DOK6: variants seen among roughly 807,000 people sequenced by gnomAD.
DOK6 encodes the protein downstream of tyrosine kinase 6.
Under a neutral mutation model 44.0 loss-of-function variants are expected in DOK6, and 22 were observed. The observed-to-expected ratio is 0.50, with a 90% CI of 0.36 to 0.71. The LOEUF is 0.71. DOK6 is among the 30% of genes least tolerant of loss of function. DOK6 has a pLI of 0.00. For missense variants in DOK6, 340 were observed against 416.4 expected (o/e 0.82, Z 1.60); for synonymous variants, 166 against 145.5 (o/e 1.14, Z -1.01).
intron 7 of DOK6, among the ~76,000 whole-genome samples, chr18:69,804,659 T>C (rs552823817): frequency 9.2e-5 from 14 of 152,180 alleles, no homozygotes; most frequent in Admixed American, 2.0e-4. Context: ...TTTAGGACAA[T>C]GATTTTTGTG....
intron 1 of DOK6, among the ~76,000 whole-genome samples, chr18:69,542,957 G>C (rs1465675810): frequency 6.6e-6 from 1 of 151,406 alleles, no homozygotes; most frequent in East Asian, 1.9e-4. Flanking sequence ...CAGTCGATTT[G>C]TCTTCTTCTA....
chr18:69,455,694 A>T (rs577628517), intron 1 of DOK6, among the ~76,000 whole-genome samples: 1 of 152,328 alleles, frequency 6.6e-6, no homozygotes, highest in South Asian at 2.1e-4. Context: ...CTGATGGCAG[A>T]TGAGAAGAAT....
At chr18:69,702,590 A>G (rs1986546993) in intron 5 of DOK6, among the ~76,000 whole-genome samples, 2 of 152,194 alleles carry the variant, frequency 1.3e-5, no homozygotes, top group Non-Finnish European at 2.9e-5. Flanking sequence ...AATTTCAGAA[A>G]TACTAAAATG....
At chr18:69,834,001 C>T (rs969379544) in intron 7 of DOK6, among the ~76,000 whole-genome samples, 2 of 151,962 alleles carry the variant, frequency 1.3e-5, no homozygotes, top group African/African-American at 4.8e-5. Context: ...GGAGATTTCT[C>T]AAAAAAACTA....
intron 7 of DOK6, among the ~76,000 whole-genome samples, chr18:69,785,273 C>G (rs918132796): frequency 3.3e-5 from 5 of 152,150 alleles, no homozygotes; most frequent in African/African-American, 1.2e-4. Flanking sequence ...TTCATCAAAT[C>G]TAGAATTTAA....
chr18:69,836,677 G>A (rs1982063439), intron 7 of DOK6, among the ~76,000 whole-genome samples: 1 of 152,002 alleles, frequency 6.6e-6, no homozygotes, highest in Non-Finnish European at 1.5e-5. Flanking sequence ...TTACATATTT[G>A]CCTTATTTGT....
chr18:69,460,232 C>T (rs1205926158), intron 1 of DOK6, among the ~76,000 whole-genome samples: 1 of 152,102 alleles, frequency 6.6e-6, no homozygotes, highest in African/African-American at 2.4e-5. Flanking sequence ...TTCACAATTA[C>T]TAAAGCAGTC....
Position 69,787,032 on chromosome 18 carries a change from A to G in DOK6, c.856+29159A>G, listed in dbSNP as rs530410611. On this transcript the variant is annotated intron_variant, in intron 7 of 7. Transcript: ENST00000382713. ...GGAGTTTGAGACCAGCCTGGCCAAC[A>G]TGGTGAAAACCCATCTCTATCAAAA... Among the ~76,000 whole-genome samples, 10 of 152,320 alleles carry G rather than the reference A, an allele frequency of 6.6e-5. No homozygotes were observed. In the South Asian group the frequency reaches 1.4e-3, roughly 22 times the overall value.
At position 69,497,894 on chromosome 18, in the gene DOK6, G is replaced by A. The variant is rs138468622; in HGVS notation, c.67-66593G>A. ...AATCTCACTACGTTGGGAAGGTGAC[G>A]TTGGAGGATCACTTGAAGCTAGGAA... On this transcript the variant is annotated intron_variant, in intron 1 of 7. Transcript: ENST00000382713. Among the ~76,000 whole-genome samples, 389 of 152,208 alleles carry A rather than the reference G, an allele frequency of 2.6e-3. 1 individual carries two copies. Among genetic ancestry groups the A allele is most frequent in the African/African-American group, 8.9e-3 (370 of 41,512 alleles).
intron 7 of DOK6, among the ~76,000 whole-genome samples, chr18:69,786,748 C>G (rs1980441919): frequency 6.6e-6 from 1 of 152,158 alleles, no homozygotes; most frequent in South Asian, 2.1e-4. Flanking sequence ...GAGACATGCA[C>G]AATAATTAAA....
At chr18:69,444,653 T>G (rs965573107) in intron 1 of DOK6, among the ~76,000 whole-genome samples, 1 of 150,916 alleles carries the variant, frequency 6.6e-6, no homozygotes, top group East Asian at 1.9e-4. Flanking sequence ...CCTTTTTTTT[T>G]TTTTTTTTGA....
chr18:69,827,831 A>C (rs985878457), intron 7 of DOK6, among the ~76,000 whole-genome samples: 2 of 152,028 alleles, frequency 1.3e-5, no homozygotes, highest in African/African-American at 4.8e-5. Context: ...TATATTGCGC[A>C]GAGAAGTCTC....
At chr18:69,823,177 G>A (rs1981627352) in intron 7 of DOK6, among the ~76,000 whole-genome samples, 1 of 152,090 alleles carries the variant, frequency 6.6e-6, no homozygotes. Flanking sequence ...TGTGTGCCTG[G>A]CATTTCACAA....
intron 7 of DOK6, among the ~76,000 whole-genome samples, chr18:69,821,617 C>A (rs532625848): frequency 6.6e-6 from 1 of 152,096 alleles, no homozygotes; most frequent in African/African-American, 2.4e-5. Flanking sequence ...AATTAAAACA[C>A]GCTTCACTCT....
At position 69,760,350 on chromosome 18, in the gene DOK6, A is replaced by T. The variant is rs140219581; in HGVS notation, c.856+2477A>T. Among the ~76,000 whole-genome samples the T allele has an allele frequency of 4.3e-3, 659 of 152,274 alleles. 4 individuals are homozygous for T. Among genetic ancestry groups the T allele is most frequent in the Non-Finnish European group, 6.4e-3 (432 of 68,016 alleles). ...ACTACATTTAGAAGCCTAGTTATCCACTGAGTGCGGTGGCTCATCCCTGTA... is the reference window on the plus strand; with the variant it reads ...ACTACATTTAGAAGCCTAGTTATCCTCTGAGTGCGGTGGCTCATCCCTGTA... On this transcript the variant is annotated intron_variant, in intron 7 of 7. Coordinates refer to ENST00000382713, the MANE Select transcript of DOK6 (RefSeq NM_152721.6).
At chr18:69,667,573 A>C (rs926993055) in intron 3 of DOK6, among the ~76,000 whole-genome samples, 3 of 152,178 alleles carry the variant, frequency 2.0e-5, no homozygotes, top group Non-Finnish European at 4.4e-5. Flanking sequence ...AAAATCTTAC[A>C]ATCAATTTTT....
At chr18:69,578,934 A>G (rs1983300248) in intron 2 of DOK6, among the ~76,000 whole-genome samples, 1 of 152,130 alleles carries the variant, frequency 6.6e-6, no homozygotes, top group Non-Finnish European at 1.5e-5. Context: ...TTTATTTCAA[A>G]TTTATATAGT....
intron 5 of DOK6, among the ~76,000 whole-genome samples, chr18:69,736,401 C>T (rs1978608603): frequency 6.6e-6 from 1 of 152,076 alleles, no homozygotes; most frequent in South Asian, 2.1e-4. Context: ...CTAGAATATT[C>T]CTCAGAGCTG....
Position 69,756,981 on chromosome 18 carries a change from G to A in DOK6, c.739-775G>A, listed in dbSNP as rs185024808. 1.9e-3 allele frequency among the ~76,000 whole-genome samples: 296 copies of A among 152,314 alleles called. 1 individual carries two copies. Among genetic ancestry groups the A allele is most frequent in the Non-Finnish European group, 2.1e-3 (145 of 68,008 alleles). ...ATAAAACCATTTCTGCATGCTTCTT[G>A]AAATTATTTCTGCATTAATAAAAAT... is the stretch of plus-strand genomic sequence containing the variant. On this transcript the variant is annotated intron_variant, in intron 6 of 7. Coordinates refer to ENST00000382713, the MANE Select transcript of DOK6 (RefSeq NM_152721.6).
Sources: allele counts gnomAD v4.1 joint callset (sites outside exome capture counted in the v4.1 genomes callset), GRCh38; gene constraint gnomAD v4.1.1; transcripts MANE v1.5; gene names NCBI Gene and HGNC (gene_info 2026-07-23, HGNC 2026-07-21).